Variants in NEU1 observed in about 807,000 individuals in gnomAD.
NEU1 encodes the protein sialidase-1.
Under a neutral mutation model 38.3 loss-of-function variants are expected in NEU1, and 32 were observed. That is an observed-to-expected ratio of 0.84 (90% CI 0.63 to 1.12). The LOEUF (loss-of-function observed/expected upper bound fraction) is 1.12, where lower values mean the gene tolerates loss of function less well. Ranked by LOEUF, NEU1 falls within the 50% of genes most tolerant of loss-of-function variation. The probability of loss-of-function intolerance (pLI) is 0.00; values close to 1 mark genes in which losing one functional copy is unlikely to be tolerated. For missense variants in NEU1, 431 were observed against 549.2 expected (o/e 0.78, Z 2.15); for synonymous variants, 192 against 225.2 (o/e 0.85, Z 1.32).
At position 31,860,597 on chromosome 6, in the gene NEU1, G is replaced by A. The variant is rs1160927051; in HGVS notation, c.640C>T (p.Arg214Cys). ...IQKQREPRKG[R>C]LIVCGHGTLE... ...GTCCCATGGCCACACACGATGAGGC[G>A]GCCCTTCCGTGGCTCCCGCTGTTTC... Residue 214 changes from arginine (R) to cysteine (C), a missense_variant, in exon 4 of 6, where the codon CGC (arginine) becomes TGC (cysteine). Coordinates refer to ENST00000375631, the MANE Select transcript of NEU1 (RefSeq NM_000434.4). The surrounding 1 kb of genome is among the most constrained non-coding windows in gnomAD (Gnocchi z 4.8). 1.9e-6 allele frequency: 3 copies of A among 1,613,888 alleles called. No individual in the cohort carries two copies. Among genetic ancestry groups the A allele is most frequent in the East Asian group, 2.2e-5 (1 of 44,888 alleles).
chr6:31,861,863 T>A, intron 2 of NEU1, 136 bp downstream of exon 2: 1 of 955,122 alleles, frequency 1.0e-6, no homozygotes. Flanking sequence ...ACACTTGCCC[T>A]TCTCGGGTTC....
At chr6:31,861,793 A>ATGTT in intron 2 of NEU1, 1 of 667,714 alleles carries the variant, frequency 1.5e-6, no homozygotes, top group Non-Finnish European at 2.7e-6. Context: ...TACCCAATAA[A>ATGTT]TGTTTGCTAA....
At position 31,862,553 on chromosome 6, in the gene NEU1, C is replaced by T. The variant is rs1762565825; in HGVS notation, c.159+65G>A. ...AAAGTCGGCTCAGCCGCCCGCGTTC[C>T]GGGGGACACTAGGTGTCGATCACCT... On this transcript the variant is annotated intron_variant, in intron 1 of 5. Coordinates refer to ENST00000375631, the MANE Select transcript of NEU1 (RefSeq NM_000434.4). This position sits in a 1 kb window ranked among gnomAD's most constrained non-coding sequence, Gnocchi z 6.3. 4.3e-6 allele frequency: 7 copies of T among 1,609,646 alleles called. No individual in the cohort carries two copies. The highest frequency in any genetic ancestry group is 1.3e-5 in the African/African-American group (1 of 74,974).
At chr6:31,861,165 C>T (rs765361106) in intron 3 of NEU1, 23 bp downstream of exon 3, 1 of 1,611,080 alleles carries the variant, frequency 6.2e-7, no homozygotes, top group South Asian at 1.1e-5. Context: ...CAGCCCCCTC[C>T]ACCTATCTCC....
intron 2 of NEU1, 100 bp from the exon 3 acceptor site, chr6:31,861,550 C>A: frequency 6.8e-7 from 1 of 1,475,998 alleles, no homozygotes; most frequent in South Asian, 1.1e-5. Flanking sequence ...GACCTCAGGC[C>A]TTCCGATGGT....
chr6:31,861,554 C>A, intron 2 of NEU1, 104 bp from the exon 3 acceptor site: 1 of 1,462,490 alleles, frequency 6.8e-7, no homozygotes, highest in East Asian at 2.3e-5. Flanking sequence ...TCAGGCCTTC[C>A]GATGGTCCCA....
chr6:31,859,473 G>A lies in NEU1; in HGVS notation c.*246C>T. ...CCGGGAGGGCAGAGAGGGTGGTGGGGCCACACTTAGCCATATGGAAAGACA... is the reference window on the plus strand; with the variant it reads ...CCGGGAGGGCAGAGAGGGTGGTGGGACCACACTTAGCCATATGGAAAGACA... On this transcript the variant is annotated 3_prime_UTR_variant, in exon 6 of 6. Coordinates refer to ENST00000375631, the MANE Select transcript of NEU1 (RefSeq NM_000434.4). The A allele has an allele frequency of 1.6e-6, 1 of 620,008 alleles. No individual in the cohort carries two copies. The highest frequency in any genetic ancestry group is 2.9e-6 in the Non-Finnish European group (1 of 344,504). The allele number at this position is 620,008 out of a possible 1,614,324, so 38.4% of individuals were successfully genotyped here. A position where few individuals can be genotyped will look rare whatever the true frequency, so the allele number is the denominator to read the frequency against.
rs1425304712 is a variant in NEU1 at position 31,862,129 on chromosome 6, C to T, written c.222G>A (p.Val74=). 2 of 1,613,082 alleles carry T rather than the reference C, an allele frequency of 1.2e-6. No individual in the cohort carries two copies. The highest frequency in any genetic ancestry group is 1.7e-6 in the Non-Finnish European group (2 of 1,180,040). Residue 74 remains valine, a synonymous_variant, in exon 2 of 6, where the codon GTG becomes GTA. Coordinates refer to ENST00000375631, the MANE Select transcript of NEU1 (RefSeq NM_000434.4). The surrounding 1 kb of genome is among the most constrained non-coding windows in gnomAD (Gnocchi z 6.3). The stretch of plus-strand genomic sequence containing the variant: ...TGATGAGCGGGATGCGGAAGGTGTC[C>T]ACTGAGCCGATCTGTCTCCCGCTCA... ...LWVSGRQIGS[V]DTFRIPLITA...
chr6:31,860,658 T>C lies in NEU1; in HGVS notation c.616-37A>G. ...GGAACTGGGTGTCACAGAAGGAGAC[T>C]CTAGGGGCTCAGAGGCAGGGACAGA... On this transcript the variant is annotated intron_variant, in intron 3 of 5. Coordinates refer to ENST00000375631, the MANE Select transcript of NEU1 (RefSeq NM_000434.4). This position sits in a 1 kb window ranked among gnomAD's most constrained non-coding sequence, Gnocchi z 4.8. 1 of 1,610,776 alleles carries C rather than the reference T, an allele frequency of 6.2e-7. No individual in the cohort carries two copies. Among genetic ancestry groups the C allele is most frequent in the East Asian group, 2.2e-5 (1 of 44,860 alleles).
chr6:31,861,912 G>A, intron 2 of NEU1, 87 bp downstream of exon 2: 1 of 1,468,244 alleles, frequency 6.8e-7, no homozygotes, highest in Non-Finnish European at 9.5e-7. Flanking sequence ...AACCCTCTAA[G>A]TTCCCCTATC....
chr6:31,860,204 A>C lies in NEU1; in HGVS notation c.859T>G (p.Cys287Gly). 3 of 1,613,016 alleles carry C rather than the reference A, an allele frequency of 1.9e-6. No individual in the cohort carries two copies. The highest frequency in any genetic ancestry group is 2.5e-6 in the Non-Finnish European group (3 of 1,180,012). ...INARNQNNYHCHCRIVLRSYD... is the reference protein window; with the variant it reads ...INARNQNNYHGHCRIVLRSYD... ...CTGCGGAGGACAATTCGGCAGTGGC[A>C]GTGGTAGTTGTTCTGGTTTCGGGCA... is the stretch of plus-strand genomic sequence containing the variant. Residue 287 changes from cysteine (C) to glycine (G), a missense_variant, in exon 5 of 6, where the codon TGC becomes GGC. Cys to Gly is a radical substitution (Grantham distance 159, BLOSUM62 -3). Coordinates refer to ENST00000375631, the MANE Select transcript of NEU1 (RefSeq NM_000434.4). The surrounding 1 kb of genome is among the most constrained non-coding windows in gnomAD (Gnocchi z 4.8).
rs749944386 is a variant in NEU1, at chr6:31,862,170, C to G, written c.181G>C (p.Glu61Gln). Residue 61 changes from glutamate to glutamine, a missense_variant, in exon 2 of 6, where the codon GAG (glutamate) becomes CAG (glutamine). By Grantham distance (29) the Glu-to-Gln change is conservative. Coordinates refer to ENST00000375631, the MANE Select transcript of NEU1 (RefSeq NM_000434.4). The surrounding 1 kb of genome is among the most constrained non-coding windows in gnomAD (Gnocchi z 6.3). ...FGLVQPLVTM[E>Q]QLLWVSGRQI... ...CTCCCGCTCACCCACAGCAGTTGCTCCATGGTCACCAGCGGCTGCACCTGT... is the reference window on the plus strand; with the variant it reads ...CTCCCGCTCACCCACAGCAGTTGCTGCATGGTCACCAGCGGCTGCACCTGT... 3 of 1,612,830 alleles carry G rather than the reference C, an allele frequency of 1.9e-6. No individual in the cohort carries two copies. In the Admixed American group the frequency reaches 5.0e-5, roughly 27 times the overall value.
rs761056050 is a variant in NEU1 at position 31,860,564 on chromosome 6, G to A, written c.673C>T (p.Arg225Trp). The change falls in exon 4 of 6, where the codon CGG becomes TGG. Residue 225 changes from arginine (R) to tryptophan (W), a missense_variant. Transcript: ENST00000375631. The surrounding 1 kb of genome is among the most constrained non-coding windows in gnomAD (Gnocchi z 4.8). ...CTGAGGAGACAGAAGACTCCGTCCC[G>A]CTCCAGCGTCCCATGGCCACACACG... ...LIVCGHGTLE[R>W]DGVFCLLSDD... 5.0e-6 allele frequency: 8 copies of A among 1,613,888 alleles called. No individual in the cohort carries two copies. In the South Asian group the frequency reaches 5.5e-5, roughly 11 times the overall value.
At position 31,859,720 on chromosome 6, in the gene NEU1, CAG is replaced by C; in HGVS notation, c.1245_1246del (p.Ter416SerfsTer22). On this transcript the variant is annotated frameshift_variant and stop_lost, in exon 6 of 6. Transcript: ENST00000375631. LOFTEE classifies it high-confidence loss of function. ...ATACCCCTGTGGCAGTGGCACAGCT[CAG>C]AGTGTCCCATAGACACTGATTTTGG... The C allele has an allele frequency of 3.1e-6, 5 of 1,612,244 alleles. No individual in the cohort carries two copies. Among genetic ancestry groups the C allele is most frequent in the East Asian group, 2.2e-5 (1 of 44,884 alleles).
intron 3 of NEU1, 63 bp downstream of exon 3, chr6:31,861,125 T>C (rs1232428329): frequency 2.6e-5 from 42 of 1,606,568 alleles, no homozygotes; most frequent in African/African-American, 5.4e-5. Flanking sequence ...AGGAGTCCAT[T>C]TGGGGGTATC....
In NEU1 at chr6:31,861,046, G is replaced by A. The variant is rs1375443919; in HGVS notation, c.615+142C>T. 3 of 1,149,092 alleles carry A rather than the reference G, an allele frequency of 2.6e-6. No individual in the cohort carries two copies. The African/African-American group carries it at 4.6e-5, about 18-fold the overall frequency. The allele number at this position is 1,149,092 out of a possible 1,614,324, so 71.2% of individuals were successfully genotyped here. ...TCTCCTGATAATGTGTTCCTACCAG[G>A]ATGCCCTGTCTTTCAAGGAATCCCA... On this transcript the variant is annotated intron_variant, in intron 3 of 5. Transcript: ENST00000375631.
chr6:31,862,183 C>T lies in NEU1; in HGVS notation c.168G>A (p.Pro56=). 6.2e-7 allele frequency: 1 copy of T among 1,612,792 alleles called. No homozygotes were observed. Among genetic ancestry groups the T allele is most frequent in the South Asian group, 1.1e-5 (1 of 91,072 alleles). The stretch of plus-strand genomic sequence containing the variant: ...ACAGCAGTTGCTCCATGGTCACCAG[C>T]GGCTGCACCTGTCATGGGAGGAGGA... ...KAENDFGLVQ[P]LVTMEQLLWV... Residue 56 remains proline, a synonymous_variant, in exon 2 of 6, where the codon CCG becomes CCA. Coordinates refer to ENST00000375631, the MANE Select transcript of NEU1 (RefSeq NM_000434.4). The surrounding 1 kb of genome is among the most constrained non-coding windows in gnomAD (Gnocchi z 6.3).
chr6:31,860,587 A>G lies in NEU1; in HGVS notation c.650T>C (p.Val217Ala), dbSNP rs146850952. The change falls in exon 4 of 6, where the codon GTG becomes GCG. Residue 217 changes from valine (V) to alanine (A), a missense_variant. Val to Ala is a moderately conservative substitution (Grantham distance 64). Transcript: ENST00000375631. This position sits in a 1 kb window ranked among gnomAD's most constrained non-coding sequence, Gnocchi z 4.8. ...CCGCTCCAGCGTCCCATGGCCACAC[A>G]CGATGAGGCGGCCCTTCCGTGGCTC... is the stretch of plus-strand genomic sequence containing the variant. ...QREPRKGRLI[V>A]CGHGTLERDG... 1 of 1,614,028 alleles carries G rather than the reference A, an allele frequency of 6.2e-7. No individual in the cohort carries two copies. Among genetic ancestry groups the G allele is most frequent in the Non-Finnish European group, 8.5e-7 (1 of 1,180,018 alleles).
Position 31,861,300 on chromosome 6 carries a change from G to C in NEU1, c.503C>G (p.Ser168Cys), listed in dbSNP as rs1193642858. The change falls in exon 3 of 6, where the codon TCT becomes TGT. Residue 168 changes from serine (S) to cysteine (C), a missense_variant. Transcript: ENST00000375631. ...ATCCTTGCTCCATACCAACATGGTAGAGGCCACCTGGCAGCCGGCCTTGTG... is the reference window on the plus strand; with the variant it reads ...ATCCTTGCTCCATACCAACATGGTACAGGCCACCTGGCAGCCGGCCTTGTG... The part of the protein sequence containing the change: ...CAHKAGCQVA[S>C]TMLVWSKDDG... 2 of 1,612,942 alleles carry C rather than the reference G, an allele frequency of 1.2e-6. No homozygotes were observed. Among genetic ancestry groups the C allele is most frequent in the East Asian group, 4.5e-5 (2 of 44,898 alleles).
Sources: gnomAD v4.1 joint callset for allele counts on GRCh38, gnomAD v4.1.1 for gene constraint, Gnocchi (gnomAD v3.1) non-coding constraint, MANE v1.5 for transcripts, NCBI Gene and HGNC (gene_info 2026-07-23, HGNC 2026-07-21) for gene names.